The following C1GALT1 variants were observed in gnomAD, a reference collection of about 807,000 sequenced individuals.
C1GALT1 encodes the protein glycoprotein-N-acetylgalactosamine 3-beta-galactosyltransferase 1.
C1GALT1 carries 11 observed loss-of-function variants against 31.0 expected under a neutral mutation model. The ratio of observed to expected loss-of-function variants is 0.36; its 90% CI spans 0.22 to 0.59. The LOEUF is 0.59. C1GALT1 is among the 20% of genes least tolerant of loss of function. The pLI is 0.79. For missense variants in C1GALT1, 424 were observed against 425.2 expected, an observed-to-expected ratio of 1.00 and a Z score of 0.03; for synonymous variants, 175 against 143.6, an observed-to-expected ratio of 1.22 and a Z score of -1.56.
intron 2 of C1GALT1, among the ~76,000 whole-genome samples, chr7:7,160,330 C>T (rs1322978108): frequency 6.6e-6 from 1 of 152,146 alleles, no homozygotes; most frequent in Non-Finnish European, 1.5e-5. Context: ...CCACCTTCTA[C>T]CTCCAACCCC....
intron 1 of C1GALT1, among the ~76,000 whole-genome samples, chr7:7,223,407 C>T (rs1459213977): frequency 1.3e-5 from 2 of 152,164 alleles, no homozygotes; most frequent in African/African-American, 4.8e-5. Context: ...AAGAGATTCT[C>T]CCACCTCAGC....
chr7:7,184,362 C>A (rs1191432304), intron 1 of C1GALT1, among the ~76,000 whole-genome samples: 1 of 152,134 alleles, frequency 6.6e-6, no homozygotes, highest in Non-Finnish European at 1.5e-5. Flanking sequence ...TTTTTTGTAT[C>A]TTCCTACTTA....
intron 1 of C1GALT1, among the ~76,000 whole-genome samples, chr7:7,219,021 C>T (rs1410985236): frequency 1.3e-5 from 2 of 151,618 alleles, no homozygotes; most frequent in Non-Finnish European, 2.9e-5. Context: ...TTTTTTTTAG[C>T]AGAGACAGGG....
In C1GALT1 at chr7:7,243,819, GAGGAA is replaced by G; in HGVS notation, c.*93_*97del. 1.3e-5 allele frequency: 12 copies of G among 935,428 alleles called. No individual in the cohort carries two copies. The highest frequency in any genetic ancestry group is 2.5e-5 in the East Asian group (1 of 39,968). The allele number at this position is 935,428 out of a possible 1,614,324, so 57.9% of individuals were successfully genotyped here. On this transcript the variant is annotated 3_prime_UTR_variant, in exon 4 of 4. Transcript: ENST00000436587. Reference sequence around the variant, plus strand: ...TGACATAGAACACTGGAATCCCAGTGAGGAATTCTAAGTGAACATTCCTTATAGAA... The same window carrying G: ...TGACATAGAACACTGGAATCCCAGTGTTCTAAGTGAACATTCCTTATAGAA...
Position 7,234,533 on chromosome 7 carries a change from C to T in C1GALT1, c.214C>T (p.His72Tyr), listed in dbSNP as rs1352917091. 1.2e-6 allele frequency: 2 copies of T among 1,605,356 alleles called. No homozygotes were observed. Among genetic ancestry groups the T allele is most frequent in the Non-Finnish European group, 1.7e-6 (2 of 1,172,228 alleles). Residue 72 changes from histidine to tyrosine, a missense_variant, in exon 2 of 4, where the codon CAT becomes TAT. Transcript: ENST00000436587. ...QMNFNADSSQ[H>Y]KDENTDIAEN... ...GAACTTCAATGCAGATTCTAGCCAACATAAAGGTATGGTTTACTTTATTAA... is the reference window on the plus strand; with the variant it reads ...GAACTTCAATGCAGATTCTAGCCAATATAAAGGTATGGTTTACTTTATTAA...
intron 2 of C1GALT1, among the ~76,000 whole-genome samples, chr7:7,172,162 T>C (rs1238300335): frequency 6.6e-6 from 1 of 152,230 alleles, no homozygotes; most frequent in East Asian, 1.9e-4. Context: ...AACTTTTGTT[T>C]ATCTGAATAT....
chr7:7,233,435 T>A (rs1453252044), intron 1 of C1GALT1, among the ~76,000 whole-genome samples: 1 of 152,206 alleles, frequency 6.6e-6, no homozygotes, highest in East Asian at 1.9e-4. Flanking sequence ...TAGCTGTGAC[T>A]GCAGGCATAT....
At chr7:7,174,474 T>C (rs1179176499) in intron 2 of C1GALT1, among the ~76,000 whole-genome samples, 1 of 152,100 alleles carries the variant, frequency 6.6e-6, no homozygotes, top group African/African-American at 2.4e-5. Context: ...CCAGGTGTGG[T>C]GGCCCATGCC....
intron 1 of C1GALT1, among the ~76,000 whole-genome samples, chr7:7,205,244 G>A (rs1781688993): frequency 6.6e-6 from 1 of 151,906 alleles, no homozygotes; most frequent in Non-Finnish European, 1.5e-5. Flanking sequence ...CAGAGGTTAG[G>A]GATGCTATCC....
chr7:7,202,928 A>G (rs1055046002), intron 1 of C1GALT1, among the ~76,000 whole-genome samples: 5 of 152,194 alleles, frequency 3.3e-5, no homozygotes, highest in Admixed American at 1.3e-4. Flanking sequence ...TTTGTCGTAC[A>G]GATCTTTCAC....
intron 3 of C1GALT1, among the ~76,000 whole-genome samples, chr7:7,239,813 T>C (rs1003542199): frequency 1.3e-4 from 20 of 152,228 alleles, no homozygotes; most frequent in African/African-American, 4.8e-4. Flanking sequence ...TGCTATAGTA[T>C]TGTTTTTCAG....
intron 1 of C1GALT1, among the ~76,000 whole-genome samples, chr7:7,202,324 G>A (rs1053238631): frequency 6.6e-6 from 1 of 152,144 alleles, no homozygotes; most frequent in African/African-American, 2.4e-5. Context: ...CACACTACTC[G>A]GTGTGTCTGA....
chr7:7,182,695 G>C lies in C1GALT1; in HGVS notation c.-143G>C. 3.3e-6 allele frequency: 2 copies of C among 600,506 alleles called. No individual in the cohort carries two copies. The highest frequency in any genetic ancestry group is 7.3e-5 in the South Asian group (1 of 13,762). The allele number at this position is 600,506 out of a possible 1,614,324, so 37.2% of individuals were successfully genotyped here. A position where few individuals can be genotyped will look rare whatever the true frequency, so the allele number is the denominator to read the frequency against. ...GCCGGGGAATAATCTGGGCGGCAGC[G>C]GGCGGCCTCGGCTAGCGGCCACGAG... On this transcript the variant is annotated 5_prime_UTR_variant, in exon 1 of 4. Coordinates refer to ENST00000436587, the MANE Select transcript of C1GALT1 (RefSeq NM_020156.5).
chr7:7,175,653 A>C (rs570858716), intron 2 of C1GALT1, among the ~76,000 whole-genome samples: 186 of 152,296 alleles, frequency 1.2e-3, no homozygotes, highest in Non-Finnish European at 2.2e-3. Flanking sequence ...TCTTGCATCA[A>C]TCCTTCAGGT....
At chr7:7,225,784 T>A (rs943163507) in intron 1 of C1GALT1, among the ~76,000 whole-genome samples, 1 of 152,196 alleles carries the variant, frequency 6.6e-6, no homozygotes, top group Non-Finnish European at 1.5e-5. Flanking sequence ...CAATATCTTA[T>A]TTGCACCTCA....
Position 7,238,144 on chromosome 7 carries a change from G to A in C1GALT1, c.221-111G>A, listed in dbSNP as rs982323845. The A allele has an allele frequency of 4.8e-6, 5 of 1,046,178 alleles. No homozygotes were observed. Among genetic ancestry groups the A allele is most frequent in the Non-Finnish European group, 6.8e-6 (5 of 735,004 alleles). The allele number at this position is 1,046,178 out of a possible 1,614,324, so 64.8% of individuals were successfully genotyped here. ...CTTTCCTTTGGCTAAATCACTAATA[G>A]AGGGATAAATAGGGACTTTGAAATT... On this transcript the variant is annotated intron_variant, in intron 2 of 3. Transcript: ENST00000436587. This position sits in a 1 kb window ranked among gnomAD's most constrained non-coding sequence, Gnocchi z 5.2.
intron 1 of C1GALT1, among the ~76,000 whole-genome samples, chr7:7,226,681 C>T (rs1562588186): frequency 1.3e-5 from 2 of 151,860 alleles, no homozygotes; most frequent in East Asian, 1.9e-4. Context: ...CACCGATTAG[C>T]GCCATTAAAA....
chr7:7,214,872 T>G (rs1324843064), intron 1 of C1GALT1, among the ~76,000 whole-genome samples: 1 of 152,224 alleles, frequency 6.6e-6, no homozygotes, highest in African/African-American at 2.4e-5. Flanking sequence ...GCTACAAGAC[T>G]AGAAACCTTG....
At chr7:7,225,537 G>C (rs992491065) in intron 1 of C1GALT1, among the ~76,000 whole-genome samples, 14 of 152,188 alleles carry the variant, frequency 9.2e-5, no homozygotes, top group African/African-American at 2.9e-4. Context: ...TTTATTGCAA[G>C]TAAAATTCTA....
Sources: gnomAD v4.1 joint callset for allele counts (sites outside exome capture counted in the v4.1 genomes callset) on GRCh38, gnomAD v4.1.1 for gene constraint, Gnocchi (gnomAD v3.1) non-coding constraint, MANE v1.5 for transcripts, NCBI Gene and HGNC (gene_info 2026-07-23, HGNC 2026-07-21) for gene names.